SPOCK3: variants seen among roughly 807,000 people sequenced by gnomAD.
The protein encoded by SPOCK3 is testican-3.
In SPOCK3, 30 loss-of-function variants were observed where a neutral mutation model predicts 56.6. The ratio of observed to expected loss-of-function variants is 0.53; its 90% CI spans 0.40 to 0.72. The LOEUF (loss-of-function observed/expected upper bound fraction) is 0.72, where lower values mean the gene tolerates loss of function less well. Ranked by LOEUF, SPOCK3 falls within the 30% of genes least tolerant of loss-of-function variation. SPOCK3 has a pLI of 0.00. For missense variants in SPOCK3, 527 were observed against 530.0 expected, an observed-to-expected ratio of 0.99 and a Z score of 0.06; for synonymous variants, 196 against 183.3, an observed-to-expected ratio of 1.07 and a Z score of -0.56.
intron 3 of SPOCK3, among the ~76,000 whole-genome samples, chr4:167,047,241 C>A (rs1167096894): frequency 3.9e-5 from 6 of 152,154 alleles, no homozygotes; most frequent in Non-Finnish European, 7.4e-5. Flanking sequence ...CTGCTTGTAA[C>A]ATCTAACGAG....
Position 166,791,629 on chromosome 4 carries a change from A to G in SPOCK3, c.709+541T>C, listed in dbSNP as rs1579237833. The stretch of plus-strand genomic sequence containing the variant: ...TGTATTTCTTATTTCCAAGGAATTA[A>G]AAAAACTTTTAGAGAATTATACTGA... On this transcript the variant is annotated intron_variant, in intron 7 of 10. Transcript: ENST00000357545. 3.9e-5 allele frequency among the ~76,000 whole-genome samples: 6 copies of G among 152,336 alleles called. No individual in the cohort carries two copies. The South Asian group carries it at 1.2e-3, about 32-fold the overall frequency.
At chr4:166,924,344 A>G (rs1444992196) in intron 4 of SPOCK3, among the ~76,000 whole-genome samples, 1 of 152,212 alleles carries the variant, frequency 6.6e-6, no homozygotes, top group Non-Finnish European at 1.5e-5. Flanking sequence ...GAAATTAAAA[A>G]TTTGGCTCTT....
At chr4:166,910,252 A>G (rs1361026358) in intron 5 of SPOCK3, among the ~76,000 whole-genome samples, 2 of 152,188 alleles carry the variant, frequency 1.3e-5, no homozygotes, top group African/African-American at 4.8e-5. Context: ...TAGGGTTATT[A>G]AAGACCCATA....
chr4:166,851,742 T>A (rs1307349655), intron 6 of SPOCK3, among the ~76,000 whole-genome samples: 1 of 151,908 alleles, frequency 6.6e-6, no homozygotes. Context: ...AGTGTGGCGA[T>A]TCCTCAGGGA....
intron 5 of SPOCK3, among the ~76,000 whole-genome samples, chr4:166,909,829 C>G (rs868563450): frequency 6.6e-6 from 1 of 152,082 alleles, no homozygotes. Flanking sequence ...ATCCAAGAGC[C>G]AGAAGAAAGA....
intron 2 of SPOCK3, among the ~76,000 whole-genome samples, chr4:167,187,688 C>T (rs1027075019): frequency 2.0e-4 from 30 of 152,088 alleles, no homozygotes; most frequent in Admixed American, 1.3e-3. Flanking sequence ...TGATTAGGAA[C>T]TTCCATTTTT....
chr4:166,938,774 T>C (rs1199083139), intron 4 of SPOCK3, among the ~76,000 whole-genome samples: 2 of 152,088 alleles, frequency 1.3e-5, no homozygotes, highest in Admixed American at 6.6e-5. Flanking sequence ...AGAATAATCA[T>C]ACTATACATA....
intron 2 of SPOCK3, among the ~76,000 whole-genome samples, chr4:167,092,049 C>G (rs536499345): frequency 9.9e-4 from 150 of 152,190 alleles, no homozygotes; most frequent in African/African-American, 3.2e-3. Context: ...CCAGAGAGAT[C>G]AATGCAGAAG....
chr4:167,230,138 C>A (rs1737008969), intron 2 of SPOCK3, among the ~76,000 whole-genome samples: 1 of 150,958 alleles, frequency 6.6e-6, no homozygotes, highest in Non-Finnish European at 1.5e-5. Context: ...TTTTGTCATT[C>A]CTAATTAATT....
rs1171740946 is a variant in SPOCK3 at position 167,008,766 on chromosome 4, C to T, written c.236-8303G>A. Among the ~76,000 whole-genome samples, 3 of 152,142 alleles carry T rather than the reference C, an allele frequency of 2.0e-5. No individual in the cohort carries two copies. The South Asian group carries it at 6.2e-4, about 32-fold the overall frequency. On this transcript the variant is annotated intron_variant, in intron 3 of 10. Coordinates refer to ENST00000357545, the MANE Select transcript of SPOCK3 (RefSeq NM_001040159.2). ...GAAAATCAAATACCACATATTCTTA[C>T]TTACAAGTGGGAGCTAAACAAAGAG...
At chr4:167,109,582 TTA>T (rs549583963) in intron 2 of SPOCK3, among the ~76,000 whole-genome samples, 89 of 135,102 alleles carry the variant, frequency 6.6e-4, no homozygotes, top group African/African-American at 2.0e-3. Flanking sequence ...TATATATTTA[TTA>T]TATATATATA....
intron 2 of SPOCK3, among the ~76,000 whole-genome samples, chr4:167,233,246 C>A (rs1737366946): frequency 6.6e-6 from 1 of 152,154 alleles, no homozygotes; most frequent in African/African-American, 2.4e-5. Flanking sequence ...AGTGTGGAAA[C>A]CTGGCTCCCT....
At chr4:167,109,422 T>A (rs1466569573) in intron 2 of SPOCK3, among the ~76,000 whole-genome samples, 1 of 69,968 alleles carries the variant, frequency 1.4e-5, no homozygotes, top group Non-Finnish European at 2.8e-5. Flanking sequence ...TATATATAAA[T>A]ATATATATGA....
intron 2 of SPOCK3, among the ~76,000 whole-genome samples, chr4:167,180,012 G>A (rs954399943): frequency 1.2e-4 from 19 of 152,138 alleles, no homozygotes; most frequent in African/African-American, 4.6e-4. Flanking sequence ...AAGGGAATGT[G>A]GCTTTCCAGG....
At chr4:166,940,676 A>G (rs1261509773) in intron 4 of SPOCK3, among the ~76,000 whole-genome samples, 4 of 151,012 alleles carry the variant, frequency 2.6e-5, no homozygotes, top group Admixed American at 1.3e-4. Flanking sequence ...AAGCTTGTAC[A>G]GCTACTGTGT....
At chr4:166,737,706 C>T (rs1734358959) in intron 9 of SPOCK3, 102 bp from the exon 10 acceptor site, 3 of 1,267,340 alleles carry the variant, frequency 2.4e-6, no homozygotes, top group African/African-American at 1.5e-5. Context: ...GCATTAAAGA[C>T]TTACACATAT....
intron 6 of SPOCK3, among the ~76,000 whole-genome samples, chr4:166,886,554 GAA>G (rs947092233): frequency 1.4e-4 from 22 of 152,020 alleles, no homozygotes; most frequent in African/African-American, 5.3e-4. Context: ...GAGAAATAGA[GAA>G]AAACTTTATT....
At chr4:166,746,965 C>A (rs1466151704) in intron 8 of SPOCK3, among the ~76,000 whole-genome samples, 1 of 152,160 alleles carries the variant, frequency 6.6e-6, no homozygotes, top group East Asian at 1.9e-4. Context: ...AGACCAATAA[C>A]AGACTCTGAA....
At chr4:166,911,289 T>C (rs551018054) in intron 5 of SPOCK3, among the ~76,000 whole-genome samples, 2 of 152,288 alleles carry the variant, frequency 1.3e-5, no homozygotes, top group African/African-American at 4.8e-5. Flanking sequence ...AGCATTGTAG[T>C]GCACTTTCCC....
Sources: gnomAD v4.1 joint callset for allele counts (sites outside exome capture counted in the v4.1 genomes callset) on GRCh38, gnomAD v4.1.1 for gene constraint, MANE v1.5 for transcripts, NCBI Gene and HGNC (gene_info 2026-07-23, HGNC 2026-07-21) for gene names.